Variants in GPHN observed in about 807,000 individuals in gnomAD.
GPHN encodes the protein gephyrin.
Under a neutral mutation model 95.5 loss-of-function variants are expected in GPHN, and 17 were observed. The observed-to-expected ratio is 0.18, with a 90% CI of 0.12 to 0.27. The LOEUF (loss-of-function observed/expected upper bound fraction) is 0.27. Ranked by LOEUF, GPHN falls within the 10% of genes least tolerant of loss-of-function variation. GPHN has a pLI of 1.00. For missense variants in GPHN, 660 were observed against 978.1 expected (o/e 0.67, Z 4.34); for synonymous variants, 320 against 322.5 (o/e 0.99, Z 0.08).
At chr14:66,868,357 A>C (rs918570264) in intron 4 of GPHN, among the ~76,000 whole-genome samples, 1 of 152,272 alleles carries the variant, frequency 6.6e-6, no homozygotes, top group East Asian at 1.9e-4. Flanking sequence ...CTATGCATGT[A>C]AAGTATTTCT....
chr14:67,381,564 T>A, the GPHN span: 7 of 1,581,778 alleles, frequency 4.4e-6, no homozygotes, highest in South Asian at 3.3e-5. Flanking sequence ...TTGCATTTTT[T>A]ATCAACTTTT....
chr14:67,603,996 G>GTTTTTTTTTTTTTTTTTTTTTTT, the GPHN span, among the ~76,000 whole-genome samples: 2 of 150,144 alleles, frequency 1.3e-5, no homozygotes, highest in Non-Finnish European at 1.5e-5. Flanking sequence ...CTTGTTTTTT[G>GTTTTTTTTTTTTTTTTTTTTTTT]TTTTTGTTTT....
At chr14:66,582,127 G>A (rs1259679780) in intron 1 of GPHN, among the ~76,000 whole-genome samples, 2 of 151,960 alleles carry the variant, frequency 1.3e-5, no homozygotes, top group African/African-American at 4.8e-5. Flanking sequence ...TAGATCGTAA[G>A]TCAGACCAGA....
intron 3 of GPHN, among the ~76,000 whole-genome samples, chr14:66,801,753 T>G (rs2153477041): frequency 6.7e-6 from 1 of 148,888 alleles, no homozygotes; most frequent in East Asian, 2.0e-4. Flanking sequence ...TGGGTCTTGC[T>G]CAAGTCCTGC....
At chr14:67,208,200 A>G in the GPHN span, 1 of 1,612,252 alleles carries the variant, frequency 6.2e-7, no homozygotes, top group Non-Finnish European at 8.5e-7. Flanking sequence ...TTATTTTTAA[A>G]GGAAAAATTG....
chr14:66,810,598 G>C (rs901136374), intron 3 of GPHN, among the ~76,000 whole-genome samples: 12 of 151,994 alleles, frequency 7.9e-5, no homozygotes, highest in African/African-American at 2.9e-4. Context: ...ATATGAAGAT[G>C]TATTCTCACA....
the GPHN span, among the ~76,000 whole-genome samples, chr14:67,502,288 G>C: frequency 1.3e-5 from 2 of 151,416 alleles, no homozygotes; most frequent in African/African-American, 2.4e-5. Flanking sequence ...CCGAGATCGT[G>C]CCATTGTACT....
At chr14:67,407,084 T>A in the GPHN span, among the ~76,000 whole-genome samples, 1 of 152,110 alleles carries the variant, frequency 6.6e-6, no homozygotes, top group African/African-American at 2.4e-5. Flanking sequence ...ATGTTACAGC[T>A]GGAGAGACCC....
At chr14:66,840,911 A>G (rs2062049218) in intron 4 of GPHN, among the ~76,000 whole-genome samples, 1 of 150,498 alleles carries the variant, frequency 6.6e-6, no homozygotes, top group South Asian at 2.1e-4. Flanking sequence ...AGATTGAGAG[A>G]GGAAGCCCCA....
rs1207044381 is a variant in GPHN, at chr14:67,179,017, A to T, written c.2080-561A>T. Reference sequence around the variant, plus strand: ...AATAAAGCCTTTCCCAGACAGACAAAAGCTGAACTCCAGCTTCTTAGCCTT... The same window carrying T: ...AATAAAGCCTTTCCCAGACAGACAATAGCTGAACTCCAGCTTCTTAGCCTT... On this transcript the variant is annotated intron_variant, in intron 21 of 22. Transcript: ENST00000478722. Among the ~76,000 whole-genome samples, 4 of 152,142 alleles carry T rather than the reference A, an allele frequency of 2.6e-5. No individual in the cohort carries two copies. The South Asian group carries it at 8.3e-4, about 32-fold the overall frequency.
At chr14:67,140,937 A>C (rs2080418453) in intron 17 of GPHN, among the ~76,000 whole-genome samples, 1 of 152,064 alleles carries the variant, frequency 6.6e-6, no homozygotes, top group Non-Finnish European at 1.5e-5. Flanking sequence ...AATAATTCTG[A>C]GATGTTTGCC....
At chr14:66,689,479 T>C (rs2067628337) in intron 2 of GPHN, among the ~76,000 whole-genome samples, 1 of 152,176 alleles carries the variant, frequency 6.6e-6, no homozygotes, top group Admixed American at 6.5e-5. Context: ...TAATTTTTGC[T>C]TCTATGTTCA....
At chr14:67,514,701 T>C in the GPHN span, among the ~76,000 whole-genome samples, 6 of 152,098 alleles carry the variant, frequency 3.9e-5, no homozygotes, top group Admixed American at 3.9e-4. Flanking sequence ...GGTGGCCTCC[T>C]GGGTGCTCTC....
intron 2 of GPHN, among the ~76,000 whole-genome samples, chr14:66,773,469 T>C (rs2059259863): frequency 6.6e-6 from 1 of 151,144 alleles, no homozygotes; most frequent in African/African-American, 2.4e-5. Flanking sequence ...TTCTTCTGCC[T>C]CAGCCTCCTG....
At chr14:66,743,307 C>T (rs935924190) in intron 2 of GPHN, among the ~76,000 whole-genome samples, 1 of 151,704 alleles carries the variant, frequency 6.6e-6, no homozygotes, top group Non-Finnish European at 1.5e-5. Flanking sequence ...TATCTACAAA[C>T]TTAGAGAAAA....
At chr14:66,897,976 T>G (rs1181604766) in intron 5 of GPHN, among the ~76,000 whole-genome samples, 1 of 152,124 alleles carries the variant, frequency 6.6e-6, no homozygotes, top group Non-Finnish European at 1.5e-5. Context: ...TTGTAAATAG[T>G]TTTAATTTGC....
chr14:66,678,813 C>T (rs1223270636), intron 1 of GPHN, among the ~76,000 whole-genome samples: 1 of 151,950 alleles, frequency 6.6e-6, no homozygotes, highest in Non-Finnish European at 1.5e-5. Flanking sequence ...TTAGTGTAGT[C>T]TCTGTATGGT....
the GPHN span, chr14:67,312,745 A>G: frequency 7.7e-6 from 11 of 1,421,206 alleles, no homozygotes; most frequent in Non-Finnish European, 1.0e-5. Flanking sequence ...ACATAATATT[A>G]AAAGAACATT....
the GPHN span, among the ~76,000 whole-genome samples, chr14:67,393,804 TCACCCCTCATAAAG>T: frequency 1.3e-5 from 2 of 152,122 alleles, no homozygotes; most frequent in Non-Finnish European, 2.9e-5. Context: ...ATAGCACGGC[TCACCCCTCATAAAG>T]ATGTTTATCT....
Sources: gnomAD v4.1 joint callset for allele counts (sites outside exome capture counted in the v4.1 genomes callset) on GRCh38, gnomAD v4.1.1 for gene constraint, MANE v1.5 for transcripts, NCBI Gene and HGNC (gene_info 2026-07-23, HGNC 2026-07-21) for gene names.